Variants in MYO1E observed in about 807,000 individuals in gnomAD.
The protein encoded by MYO1E is unconventional myosin-Ie.
A neutral mutation model predicts 151.1 loss-of-function variants in MYO1E; 68 were observed. That is an observed-to-expected ratio of 0.45 (90% confidence interval 0.37 to 0.55). MYO1E has a LOEUF of 0.55. Ranked by LOEUF, MYO1E falls within the 20% of genes least tolerant of loss-of-function variation. The pLI, the probability that MYO1E is intolerant of heterozygous loss-of-function variation, is 0.00. For synonymous variants in MYO1E, 601 were observed against 501.7 expected (o/e 1.20, Z -2.64); for missense variants, 1,363 against 1,389.3 (o/e 0.98, Z 0.30).
At position 59,350,511 on chromosome 15, in the gene MYO1E, CT is replaced by C. The variant is rs1596438016; in HGVS notation, c.3+21986del. On this transcript the variant is annotated intron_variant, in intron 1 of 27. Coordinates refer to ENST00000288235, the MANE Select transcript of MYO1E (RefSeq NM_004998.4). This position sits in a 1 kb window ranked among gnomAD's most constrained non-coding sequence, Gnocchi z 5.0. ...AGAATGTAGTGTCTGCCCTCAGAGA[CT>C]ACATGCATTACTGAGAGGAAAGTGG... Among the ~76,000 whole-genome samples the C allele has an allele frequency of 3.9e-5, 6 of 152,150 alleles. No individual in the cohort carries two copies. The East Asian group carries it at 1.2e-3, about 29-fold the overall frequency.
intron 4 of MYO1E, among the ~76,000 whole-genome samples, chr15:59,238,214 G>T (rs2080078501): frequency 6.6e-6 from 1 of 152,180 alleles, no homozygotes; most frequent in South Asian, 2.1e-4. Flanking sequence ...TCAAATGGTT[G>T]ACATACTCAG....
At chr15:59,138,484 C>T in intron 26 of MYO1E, 117 bp from the exon 27 acceptor site, 1 of 1,126,744 alleles carries the variant, frequency 8.9e-7, no homozygotes, top group South Asian at 1.4e-5. Flanking sequence ...CAGCTCCATC[C>T]TTAGAAGACA....
chr15:59,152,033 A>G (rs1431439936), intron 26 of MYO1E, among the ~76,000 whole-genome samples: 1 of 150,964 alleles, frequency 6.6e-6, no homozygotes, highest in Non-Finnish European at 1.5e-5. Flanking sequence ...GTGGCACTGC[A>G]CTCCAGCCTG....
intron 1 of MYO1E, among the ~76,000 whole-genome samples, chr15:59,293,796 A>C (rs957638640): frequency 3.3e-5 from 5 of 152,124 alleles, no homozygotes; most frequent in Admixed American, 6.5e-5. Flanking sequence ...TAATCCCAGC[A>C]CTTTGAGAGG....
chr15:59,325,281 T>C (rs564579707), intron 1 of MYO1E, among the ~76,000 whole-genome samples: 343 of 152,302 alleles, frequency 2.3e-3, no homozygotes, highest in African/African-American at 7.9e-3. Context: ...TTGATCCACC[T>C]ACCTTGGCCT....
chr15:59,152,537 T>A (rs1020877457), intron 26 of MYO1E, among the ~76,000 whole-genome samples: 4 of 152,190 alleles, frequency 2.6e-5, no homozygotes, highest in Non-Finnish European at 5.9e-5. Flanking sequence ...CTCCATGAAG[T>A]GACGGGGGTC....
rs537752532 is a variant in MYO1E at position 59,284,435 on chromosome 15, T to A, written c.4-11986A>T. Among the ~76,000 whole-genome samples, 3 of 152,266 alleles carry A rather than the reference T, an allele frequency of 2.0e-5. No homozygotes were observed. The East Asian group carries it at 5.8e-4, about 29-fold the overall frequency. ...AGAGTAACAGATATTTGAGGTTGGA[T>A]GATTACTATTTTATTTTTATTTTTA... On this transcript the variant is annotated intron_variant, in intron 1 of 27. Coordinates refer to ENST00000288235, the MANE Select transcript of MYO1E (RefSeq NM_004998.4).
intron 18 of MYO1E, among the ~76,000 whole-genome samples, chr15:59,186,414 A>AAC (rs2079698132): frequency 6.6e-6 from 1 of 152,004 alleles, no homozygotes; most frequent in Non-Finnish European, 1.5e-5. Flanking sequence ...TTAAAAAAAA[A>AAC]AACATTATAT....
chr15:59,267,984 T>G (rs1273924494), intron 2 of MYO1E, among the ~76,000 whole-genome samples: 1 of 152,144 alleles, frequency 6.6e-6, no homozygotes, highest in African/African-American at 2.4e-5. Context: ...TAACAATCGA[T>G]CGCCCCAAAT....
At chr15:59,160,241 C>T (rs1017039882) in intron 24 of MYO1E, among the ~76,000 whole-genome samples, 1 of 151,358 alleles carries the variant, frequency 6.6e-6, no homozygotes, top group Non-Finnish European at 1.5e-5. Flanking sequence ...TATGATTATT[C>T]TATGCTGTGT....
chr15:59,292,603 G>A (rs1024820852), intron 1 of MYO1E, among the ~76,000 whole-genome samples: 11 of 152,142 alleles, frequency 7.2e-5, no homozygotes, highest in African/African-American at 2.7e-4. Flanking sequence ...CCAGCTTCAG[G>A]GCCAGCCTCT....
In MYO1E at chr15:59,138,387, G is replaced by C. The variant is rs199747557; in HGVS notation, c.3081-20C>G. ...CTGACCCTGTGGAGAGAGTGGAGCA[G>C]ATGAGACTGGGCCCCAACAGGGGGC... On this transcript the variant is annotated intron_variant, in intron 26 of 27. Transcript: ENST00000288235. The C allele has an allele frequency of 1.1e-5, 18 of 1,613,272 alleles. No individual in the cohort carries two copies. The highest frequency in any genetic ancestry group is 1.4e-5 in the Non-Finnish European group (17 of 1,179,858).
At chr15:59,270,742 A>T (rs1033723345) in intron 2 of MYO1E, among the ~76,000 whole-genome samples, 42 of 151,594 alleles carry the variant, frequency 2.8e-4, no homozygotes, top group African/African-American at 9.5e-4. Flanking sequence ...AAACTTAAGC[A>T]ATTCTCCTGC....
At chr15:59,187,998 C>T (rs2079708999) in intron 18 of MYO1E, 120 bp downstream of exon 18, 4 of 797,482 alleles carry the variant, frequency 5.0e-6, no homozygotes, top group East Asian at 2.5e-5. Context: ...GATAGTTGCA[C>T]AACTCTGTGA....
intron 1 of MYO1E, among the ~76,000 whole-genome samples, chr15:59,370,075 T>G (rs1217644357): frequency 2.0e-5 from 3 of 152,172 alleles, no homozygotes; most frequent in Non-Finnish European, 2.9e-5. Context: ...CCTCCCAAAG[T>G]GCTGGGATTA....
At chr15:59,182,571 A>G (rs1455968997) in intron 18 of MYO1E, among the ~76,000 whole-genome samples, 1 of 152,196 alleles carries the variant, frequency 6.6e-6, no homozygotes, top group Non-Finnish European at 1.5e-5. Flanking sequence ...CTTTTTGACA[A>G]TAGAGACAAG....
At chr15:59,277,564 A>AAAAAAAC (rs2080328210) in intron 1 of MYO1E, among the ~76,000 whole-genome samples, 1 of 139,794 alleles carries the variant, frequency 7.2e-6, no homozygotes, top group East Asian at 2.1e-4. Flanking sequence ...AAAAAAAAAA[A>AAAAAAAC]AAAAAAAAAC....
At chr15:59,224,632 C>T in intron 8 of MYO1E, 57 bp downstream of exon 8, 1 of 1,612,180 alleles carries the variant, frequency 6.2e-7, no homozygotes, top group South Asian at 1.1e-5. Flanking sequence ...CCCTTTTGGC[C>T]ACAGGAAATG....
Position 59,224,671 on chromosome 15 carries a change from C to A in MYO1E, c.777+18G>T. ...AGTTGGGAGAGCAGATCCTGCCTGG[C>A]CCTGCGCCAGCACTTACCAGAGTTT... On this transcript the variant is annotated intron_variant, in intron 8 of 27. Transcript: ENST00000288235. 1 of 1,614,126 alleles carries A rather than the reference C, an allele frequency of 6.2e-7. No individual in the cohort carries two copies. Among genetic ancestry groups the A allele is most frequent in the Non-Finnish European group, 8.5e-7 (1 of 1,180,012 alleles).
Sources: allele counts gnomAD v4.1 joint callset (sites outside exome capture counted in the v4.1 genomes callset), GRCh38; gene constraint gnomAD v4.1.1; non-coding constraint Gnocchi (gnomAD v3.1); transcripts MANE v1.5; gene names NCBI Gene and HGNC (gene_info 2026-07-23, HGNC 2026-07-21).